CNTNAP2: variants seen among roughly 807,000 people sequenced by gnomAD.
CNTNAP2 encodes the protein contactin associated protein 2, also known as contactin-associated protein-like 2.
In CNTNAP2, 98 loss-of-function variants were observed where a neutral mutation model predicts 155.2. That is an observed-to-expected ratio of 0.63 (90% CI 0.54 to 0.75). The LOEUF (loss-of-function observed/expected upper bound fraction) is 0.75. CNTNAP2 is among the 30% of genes least tolerant of loss of function. The probability of loss-of-function intolerance (pLI) is 0.00; values close to 1 mark genes in which losing one functional copy is unlikely to be tolerated. For missense variants in CNTNAP2, 1,727 were observed against 1,688.1 expected, an observed-to-expected ratio of 1.02 and a Z score of -0.40; for synonymous variants, 651 against 631.2, an observed-to-expected ratio of 1.03 and a Z score of -0.47.
intron 13 of CNTNAP2, among the ~76,000 whole-genome samples, chr7:147,835,767 C>G (rs1440696147): frequency 6.6e-6 from 1 of 152,122 alleles, no homozygotes; most frequent in African/African-American, 2.4e-5. Context: ...TACTCTAAAT[C>G]CACTGACTGG....
At chr7:146,590,369 A>C (rs1796302436) in intron 1 of CNTNAP2, among the ~76,000 whole-genome samples, 1 of 152,166 alleles carries the variant, frequency 6.6e-6, no homozygotes, top group South Asian at 2.1e-4. Context: ...TTTTTGATGA[A>C]TGTTTATCTC....
chr7:147,060,626 G>T (rs1226698665), intron 4 of CNTNAP2, among the ~76,000 whole-genome samples: 1 of 152,144 alleles, frequency 6.6e-6, no homozygotes, highest in Non-Finnish European at 1.5e-5. Flanking sequence ...CACTCTGGGA[G>T]GCCGAGGCGG....
intron 8 of CNTNAP2, among the ~76,000 whole-genome samples, chr7:147,274,869 C>G (rs1804859689): frequency 6.6e-6 from 1 of 151,756 alleles, no homozygotes; most frequent in East Asian, 1.9e-4. Context: ...AGGTATGAGT[C>G]CAGTTTTTTT....
chr7:147,073,610 G>A (rs1584820251), intron 4 of CNTNAP2, among the ~76,000 whole-genome samples: 1 of 152,122 alleles, frequency 6.6e-6, no homozygotes, highest in East Asian at 1.9e-4. Context: ...TAAAAATAAT[G>A]GCTGAATAAT....
chr7:148,285,483 C>T (rs1246552744), intron 21 of CNTNAP2, among the ~76,000 whole-genome samples: 1 of 152,206 alleles, frequency 6.6e-6, no homozygotes, highest in African/African-American at 2.4e-5. Context: ...ATTTATTTAA[C>T]AGACTGTCTT....
chr7:146,642,143 TTTTTTA>T (rs1563168432), intron 1 of CNTNAP2, among the ~76,000 whole-genome samples: 1 of 151,856 alleles, frequency 6.6e-6, no homozygotes, highest in Admixed American at 6.6e-5. Context: ...TATTTTTTTA[TTTTTTA>T]TTTTTATTTT....
chr7:146,933,341 G>T (rs1286381976), intron 3 of CNTNAP2, among the ~76,000 whole-genome samples: 1 of 151,846 alleles, frequency 6.6e-6, no homozygotes, highest in Non-Finnish European at 1.5e-5. Context: ...ATGGGGAAAG[G>T]ATTCCCTATT....
In CNTNAP2 at chr7:146,712,603, G is replaced by C. The variant is rs75401010; in HGVS notation, c.98-61668G>C. Among the ~76,000 whole-genome samples, 823 of 149,936 alleles carry C rather than the reference G, an allele frequency of 5.5e-3. 5 individuals are homozygous for C. The highest frequency in any genetic ancestry group is 0.019 in the African/African-American group (772 of 41,028). Reference sequence around the variant, plus strand: ...TGACAGTCTCTTCACATATATGCCTGTTTCTTTTCTTTCAAAAAAACTAAC... The same window carrying C: ...TGACAGTCTCTTCACATATATGCCTCTTTCTTTTCTTTCAAAAAAACTAAC... On this transcript the variant is annotated intron_variant, in intron 1 of 23. Coordinates refer to ENST00000361727, the MANE Select transcript of CNTNAP2 (RefSeq NM_014141.6).
chr7:147,985,301 G>A (rs759039538), intron 15 of CNTNAP2, among the ~76,000 whole-genome samples: 9 of 151,448 alleles, frequency 5.9e-5, no homozygotes, highest in Non-Finnish European at 7.4e-5. Flanking sequence ...GTGGGGAGTG[G>A]TAATCCCTCT....
intron 8 of CNTNAP2, chr7:147,167,524 A>T: frequency 1.2e-6 from 1 of 827,916 alleles, no homozygotes; most frequent in South Asian, 1.6e-5. Flanking sequence ...CATTATAAGC[A>T]TGACTTAGAG....
chr7:146,643,951 A>C (rs1392563181), intron 1 of CNTNAP2, among the ~76,000 whole-genome samples: 1 of 152,032 alleles, frequency 6.6e-6, no homozygotes, highest in Non-Finnish European at 1.5e-5. Context: ...CTCATGATTT[A>C]GCTCTCTGTT....
At chr7:147,289,132 C>T (rs2116742662) in intron 8 of CNTNAP2, among the ~76,000 whole-genome samples, 1 of 152,212 alleles carries the variant, frequency 6.6e-6, no homozygotes, top group South Asian at 2.1e-4. Flanking sequence ...TACTGTATCT[C>T]TAGTGCTAAA....
intron 1 of CNTNAP2, among the ~76,000 whole-genome samples, chr7:146,574,739 C>T (rs543337925): frequency 7.2e-5 from 11 of 152,130 alleles, no homozygotes; most frequent in Non-Finnish European, 1.0e-4. Flanking sequence ...AAAAATACAA[C>T]ACAGTTTCTT....
chr7:148,176,211 C>CTTTTTTTTTTT (rs1188113801), intron 18 of CNTNAP2, among the ~76,000 whole-genome samples: 1 of 92,792 alleles, frequency 1.1e-5, no homozygotes, highest in Non-Finnish European at 2.0e-5. Context: ...CTTTCTTTCT[C>CTTTTTTTTTTT]TTTTTTTTTT....
At chr7:146,572,264 C>CTTT (rs71165015) in intron 1 of CNTNAP2, among the ~76,000 whole-genome samples, 47 of 126,188 alleles carry the variant, frequency 3.7e-4, no homozygotes, top group Middle Eastern at 4.2e-3. Context: ...TTTCTGTTGT[C>CTTT]TTTTTTTTTT....
At chr7:146,559,324 C>T (rs2129144080) in intron 1 of CNTNAP2, among the ~76,000 whole-genome samples, 1 of 152,118 alleles carries the variant, frequency 6.6e-6, no homozygotes, top group East Asian at 1.9e-4. Context: ...AATCCCAGCA[C>T]CTTGAGAGGC....
chr7:147,910,376 C>G (rs1482768973), intron 14 of CNTNAP2, among the ~76,000 whole-genome samples: 2 of 152,146 alleles, frequency 1.3e-5, no homozygotes, highest in African/African-American at 4.8e-5. Context: ...GCCAAAGGTA[C>G]TACATATTTT....
chr7:146,526,095 G>A (rs801953), intron 1 of CNTNAP2, among the ~76,000 whole-genome samples: 67,775 of 151,850 alleles, frequency 0.45, 17,169 homozygotes, highest in African/African-American at 0.7. Context: ...AACCAAGCCT[G>A]TAAAGGAAAA....
intron 3 of CNTNAP2, among the ~76,000 whole-genome samples, chr7:146,880,795 A>T (rs569705444): frequency 6.6e-6 from 1 of 152,252 alleles, no homozygotes; most frequent in South Asian, 2.1e-4. Flanking sequence ...AGAGGGCTGA[A>T]TATTTGTTTT....
Sources: allele counts gnomAD v4.1 joint callset (sites outside exome capture counted in the v4.1 genomes callset), GRCh38; gene constraint gnomAD v4.1.1; transcripts MANE v1.5; gene names NCBI Gene and HGNC (gene_info 2026-07-23, HGNC 2026-07-21).